MAPKAP1: variants seen among roughly 807,000 people sequenced by gnomAD.
The protein encoded by MAPKAP1 is target of rapamycin complex 2 subunit MAPKAP1.
A neutral mutation model predicts 65.7 loss-of-function variants in MAPKAP1; 20 were observed. The ratio of observed to expected loss-of-function variants is 0.30; its 90% confidence interval spans 0.21 to 0.44. The LOEUF is 0.44. MAPKAP1 is among the 20% of genes least tolerant of loss of function. The pLI is 1.00. For synonymous variants in MAPKAP1, 222 were observed against 244.3 expected (o/e 0.91, Z 0.85); for missense variants, 423 against 648.0 (o/e 0.65, Z 3.77).
chr9:125,691,829 T>C (rs904994418), intron 1 of MAPKAP1, among the ~76,000 whole-genome samples: 3 of 152,240 alleles, frequency 2.0e-5, no homozygotes, highest in African/African-American at 7.2e-5. Context: ...TGTAAAGTCC[T>C]TGAGAGGAAA....
At chr9:125,531,922 A>G (rs1217156961) in intron 7 of MAPKAP1, among the ~76,000 whole-genome samples, 1 of 152,240 alleles carries the variant, frequency 6.6e-6, no homozygotes, top group African/African-American at 2.4e-5. Flanking sequence ...GGTAAAATTT[A>G]CATGCAATAT....
intron 6 of MAPKAP1, among the ~76,000 whole-genome samples, chr9:125,548,461 G>A (rs1830493200): frequency 6.6e-6 from 1 of 152,210 alleles, no homozygotes; most frequent in Non-Finnish European, 1.5e-5. Flanking sequence ...GGCAGCACCA[G>A]AAGGCAGCAG....
intron 8 of MAPKAP1, among the ~76,000 whole-genome samples, chr9:125,491,853 T>C (rs2133054263): frequency 6.6e-6 from 1 of 151,958 alleles, no homozygotes; most frequent in Non-Finnish European, 1.5e-5. Flanking sequence ...TGTTTTTCAA[T>C]AAATATTTTA....
chr9:125,581,992 T>C (rs1831639985), intron 5 of MAPKAP1, among the ~76,000 whole-genome samples: 1 of 152,188 alleles, frequency 6.6e-6, no homozygotes. Flanking sequence ...CCACTTCACA[T>C]GTGGGAGCCT....
At chr9:125,664,724 C>A (rs866955306) in intron 3 of MAPKAP1, among the ~76,000 whole-genome samples, 41 of 59,908 alleles carry the variant, frequency 6.8e-4, no homozygotes, top group East Asian at 2.6e-3. Context: ...GACTCACTCT[C>A]AAAAAAAAAA....
At chr9:125,477,745 CG>C (rs2133016412) in intron 9 of MAPKAP1, among the ~76,000 whole-genome samples, 1 of 152,258 alleles carries the variant, frequency 6.6e-6, no homozygotes, top group South Asian at 2.1e-4. Context: ...CCGCTTGACC[CG>C]TTCTGTTTCA....
intron 7 of MAPKAP1, among the ~76,000 whole-genome samples, chr9:125,541,281 G>C (rs575247259): frequency 2.0e-5 from 3 of 152,292 alleles, no homozygotes; most frequent in African/African-American, 7.2e-5. Flanking sequence ...ATTGGACAGA[G>C]ACGACGGGAG....
intron 7 of MAPKAP1, 146 bp from the exon 8 acceptor site, chr9:125,506,563 AGTTTGGG>A: frequency 1.5e-6 from 1 of 663,310 alleles, no homozygotes; most frequent in Non-Finnish European, 2.6e-6. Context: ...CCAGGATGGA[AGTTTGGG>A]GTTTCTTTTG....
At chr9:125,678,732 T>C (rs1426348587) in intron 1 of MAPKAP1, among the ~76,000 whole-genome samples, 1 of 152,216 alleles carries the variant, frequency 6.6e-6, no homozygotes, top group Admixed American at 6.5e-5. Flanking sequence ...TAGGAACATG[T>C]TCTAAACATG....
chr9:125,592,290 T>C (rs490333), intron 4 of MAPKAP1, among the ~76,000 whole-genome samples: 79,693 of 151,948 alleles, frequency 0.52, 21,721 homozygotes, highest in East Asian at 0.67. Flanking sequence ...TACCCTTCCA[T>C]GCAACAGAAC....
At chr9:125,456,665 C>T (rs1178265107) in intron 10 of MAPKAP1, among the ~76,000 whole-genome samples, 2 of 152,230 alleles carry the variant, frequency 1.3e-5, no homozygotes, top group African/African-American at 4.8e-5. Flanking sequence ...CCAGCTCCAT[C>T]ATGTAAGCTT....
chr9:125,582,391 A>G (rs976831205), intron 5 of MAPKAP1, among the ~76,000 whole-genome samples: 1 of 152,178 alleles, frequency 6.6e-6, no homozygotes, highest in Non-Finnish European at 1.5e-5. Flanking sequence ...TCTTGGTACT[A>G]GCTATCCTCG....
chr9:125,589,836 G>A (rs1831900378), intron 4 of MAPKAP1, among the ~76,000 whole-genome samples: 1 of 151,414 alleles, frequency 6.6e-6, no homozygotes, highest in African/African-American at 2.4e-5. Context: ...TCCCTCTCTT[G>A]CACGTGTGCA....
chr9:125,598,766 G>A (rs543922647), intron 4 of MAPKAP1, among the ~76,000 whole-genome samples: 1 of 152,074 alleles, frequency 6.6e-6, no homozygotes, highest in Non-Finnish European at 1.5e-5. Flanking sequence ...ACGGGCCGGC[G>A]CAGTAGCTCA....
intron 11 of MAPKAP1, among the ~76,000 whole-genome samples, chr9:125,440,079 A>G (rs958109419): frequency 2.6e-5 from 4 of 152,128 alleles, no homozygotes; most frequent in African/African-American, 9.7e-5. Flanking sequence ...TAGTGAAATG[A>G]GGTGGTGGGA....
intron 2 of MAPKAP1, among the ~76,000 whole-genome samples, chr9:125,670,606 C>T (rs975754023): frequency 6.6e-6 from 1 of 152,152 alleles, no homozygotes; most frequent in Non-Finnish European, 1.5e-5. Context: ...TAATTATTAG[C>T]ATCTAAGTGC....
chr9:125,454,849 C>G (rs181546979), intron 10 of MAPKAP1, among the ~76,000 whole-genome samples: 4 of 152,164 alleles, frequency 2.6e-5, no homozygotes, highest in African/African-American at 9.6e-5. Flanking sequence ...AAGAAGACTT[C>G]ATACACTCTG....
At position 125,606,263 on chromosome 9, in the gene MAPKAP1, G is replaced by T. The variant is rs564744494; in HGVS notation, c.499-20536C>A. On this transcript the variant is annotated intron_variant, in intron 4 of 11. Coordinates refer to ENST00000265960, the MANE Select transcript of MAPKAP1 (RefSeq NM_001006617.3). ...GGGAAGAAAGAAGGAAAAGAAAAGG[G>T]TTAAAGAAAAAGGAAAAGAGTATAT... Among the ~76,000 whole-genome samples the T allele has an allele frequency of 3.3e-5, 5 of 152,094 alleles. 1 individual carries two copies. The East Asian group carries it at 7.7e-4, about 23-fold the overall frequency.
intron 4 of MAPKAP1, among the ~76,000 whole-genome samples, chr9:125,630,372 T>C (rs557898982): frequency 9.9e-5 from 15 of 152,000 alleles, no homozygotes; most frequent in African/African-American, 3.4e-4. Context: ...GCTCAAGTGA[T>C]TCCCCAGTCT....
Sources: gnomAD v4.1 joint callset for allele counts (sites outside exome capture counted in the v4.1 genomes callset) on GRCh38, gnomAD v4.1.1 for gene constraint, MANE v1.5 for transcripts, NCBI Gene and HGNC (gene_info 2026-07-23, HGNC 2026-07-21) for gene names.